TBC1D32: variants seen among roughly 807,000 people sequenced by gnomAD.
The protein encoded by TBC1D32 is TBC1 domain family member 32, also known as protein broad-minded.
A neutral mutation model predicts 170.3 loss-of-function variants in TBC1D32; 151 were observed. The observed-to-expected ratio is 0.89, with a 90% CI of 0.78 to 1.01. The LOEUF (loss-of-function observed/expected upper bound fraction) is 1.01. TBC1D32 is among the 50% of genes least tolerant of loss of function. The pLI, the probability that TBC1D32 is intolerant of heterozygous loss-of-function variation, is 0.00. For synonymous variants in TBC1D32, 498 were observed against 488.0 expected (o/e 1.02, Z -0.27); for missense variants, 1,464 against 1,457.1 (o/e 1.00, Z -0.08).
intron 24 of TBC1D32, among the ~76,000 whole-genome samples, chr6:121,144,499 A>C (rs2128228131): frequency 6.6e-6 from 1 of 152,292 alleles, no homozygotes; most frequent in East Asian, 1.9e-4. Context: ...AGACGAGTGC[A>C]TGAATGCCGT....
chr6:121,309,017 A>G (rs962369207), intron 4 of TBC1D32, among the ~76,000 whole-genome samples: 14 of 152,164 alleles, frequency 9.2e-5, no homozygotes, highest in Non-Finnish European at 1.9e-4. Context: ...GGCCTAAGAG[A>G]CAGGAGCCAA....
chr6:121,091,937 G>C (rs956375934), intron 30 of TBC1D32, among the ~76,000 whole-genome samples: 1 of 152,100 alleles, frequency 6.6e-6, no homozygotes, highest in African/African-American at 2.4e-5. Flanking sequence ...ACAAAAGGAA[G>C]ACAATGAAAA....
intron 12 of TBC1D32, among the ~76,000 whole-genome samples, chr6:121,286,209 G>A (rs1386668345): frequency 2.0e-5 from 3 of 152,016 alleles, no homozygotes; most frequent in South Asian, 2.1e-4. Flanking sequence ...GAGGAAGTTC[G>A]AACCCATGGC....
intron 22 of TBC1D32, among the ~76,000 whole-genome samples, chr6:121,169,126 A>G (rs1408430811): frequency 6.6e-6 from 1 of 152,232 alleles, no homozygotes; most frequent in East Asian, 1.9e-4. Flanking sequence ...TCTTAAGCAA[A>G]AAGAACAAAG....
intron 21 of TBC1D32, among the ~76,000 whole-genome samples, chr6:121,208,089 T>C (rs1216268287): frequency 2.0e-4 from 30 of 150,570 alleles, no homozygotes; most frequent in Admixed American, 2.0e-3. Flanking sequence ...AGTTAAATGG[T>C]GACCCCTCAC....
At chr6:121,134,964 C>T (rs1781879817) in intron 24 of TBC1D32, among the ~76,000 whole-genome samples, 1 of 152,000 alleles carries the variant, frequency 6.6e-6, no homozygotes, top group South Asian at 2.1e-4. Context: ...ACAAAGGCCC[C>T]CCTGACTGTT....
intron 30 of TBC1D32, among the ~76,000 whole-genome samples, chr6:121,091,983 T>C (rs1412412960): frequency 2.0e-5 from 3 of 152,074 alleles, no homozygotes; most frequent in African/African-American, 7.2e-5. Flanking sequence ...AGAAGCAATA[T>C]GTATCTGCAA....
At chr6:121,328,371 C>T (rs959334552) in intron 1 of TBC1D32, among the ~76,000 whole-genome samples, 12 of 151,860 alleles carry the variant, frequency 7.9e-5, no homozygotes, top group Admixed American at 4.6e-4. Flanking sequence ...CTGCAAGCTC[C>T]GCCTCCCAGG....
intron 11 of TBC1D32, among the ~76,000 whole-genome samples, chr6:121,293,777 G>A: frequency 6.6e-6 from 1 of 152,084 alleles, no homozygotes; most frequent in Non-Finnish European, 1.5e-5. Flanking sequence ...CAGATGTGGT[G>A]GCAGGCACCT....
At chr6:121,254,104 G>A (rs1583414928) in intron 17 of TBC1D32, among the ~76,000 whole-genome samples, 1 of 152,128 alleles carries the variant, frequency 6.6e-6, no homozygotes, top group South Asian at 2.1e-4. Context: ...GGATGGAGCT[G>A]GAGGCCGATT....
chr6:121,189,221 T>C (rs553389377), intron 22 of TBC1D32, among the ~76,000 whole-genome samples: 5 of 152,160 alleles, frequency 3.3e-5, no homozygotes, highest in East Asian at 1.9e-4. Context: ...ACTGGCATTT[T>C]TGACATCCCA....
At chr6:121,210,518 C>T (rs1253762249) in intron 21 of TBC1D32, among the ~76,000 whole-genome samples, 1 of 152,170 alleles carries the variant, frequency 6.6e-6, no homozygotes, top group Non-Finnish European at 1.5e-5. Flanking sequence ...ACCCAGTAAT[C>T]ATGCTTCTAG....
intron 15 of TBC1D32, among the ~76,000 whole-genome samples, chr6:121,262,203 TTCAGGATA>T (rs1196910648): frequency 6.6e-6 from 1 of 152,088 alleles, no homozygotes; most frequent in Non-Finnish European, 1.5e-5. Context: ...GAAAACACAC[TTCAGGATA>T]TCATCCAGGA....
At chr6:121,266,954 T>C (rs894270031) in intron 15 of TBC1D32, among the ~76,000 whole-genome samples, 5 of 151,230 alleles carry the variant, frequency 3.3e-5, no homozygotes, top group African/African-American at 1.2e-4. Context: ...GACAAATAGA[T>C]AATGCATGCA....
chr6:121,222,413 GAAGAT>G (rs1489475666), intron 21 of TBC1D32, among the ~76,000 whole-genome samples: 2 of 152,072 alleles, frequency 1.3e-5, no homozygotes, highest in East Asian at 1.9e-4. Context: ...TCAACGAAAA[GAAGAT>G]AAGAGAATCT....
At chr6:121,085,791 T>G (rs779461802) in intron 31 of TBC1D32, among the ~76,000 whole-genome samples, 50 of 152,184 alleles carry the variant, frequency 3.3e-4, no homozygotes, top group Non-Finnish European at 6.6e-4. Flanking sequence ...GGACATAGTA[T>G]GTGGTTCTTG....
chr6:121,171,098 C>T (rs1420508192), intron 22 of TBC1D32, among the ~76,000 whole-genome samples: 1 of 151,924 alleles, frequency 6.6e-6, no homozygotes, highest in Non-Finnish European at 1.5e-5. Flanking sequence ...ATGAAGTACT[C>T]TTGCCCAGAA....
chr6:121,237,922 C>T (rs62444587), intron 20 of TBC1D32, among the ~76,000 whole-genome samples: 3,205 of 152,084 alleles, frequency 0.021, 47 homozygotes, highest in Middle Eastern at 0.065. Flanking sequence ...TTGTGAGATA[C>T]GCCATAGAGA....
At chr6:121,289,966 A>T (rs940327520) in intron 12 of TBC1D32, among the ~76,000 whole-genome samples, 2 of 152,212 alleles carry the variant, frequency 1.3e-5, no homozygotes. Flanking sequence ...CTGAAACTGG[A>T]TCCCTTCCTT....
Sources: gnomAD v4.1 joint callset for allele counts (sites outside exome capture counted in the v4.1 genomes callset) on GRCh38, gnomAD v4.1.1 for gene constraint, MANE v1.5 for transcripts, NCBI Gene and HGNC (gene_info 2026-07-23, HGNC 2026-07-21) for gene names.